CHODL: variants seen among roughly 807,000 people sequenced by gnomAD.
The protein encoded by CHODL is chondrolectin.
A neutral mutation model predicts 34.5 loss-of-function variants in CHODL; 29 were observed. The ratio of observed to expected loss-of-function variants is 0.84; its 90% CI spans 0.63 to 1.15. The LOEUF (loss-of-function observed/expected upper bound fraction) is 1.15, where lower values mean the gene tolerates loss of function less well. Ranked by LOEUF, CHODL falls within the 50% of genes most tolerant of loss-of-function variation. The pLI is 0.00. For synonymous variants in CHODL, 125 were observed against 116.1 expected, an observed-to-expected ratio of 1.08 and a Z score of -0.49; for missense variants, 332 against 332.5, an observed-to-expected ratio of 1.00 and a Z score of 0.01.
intron 1 of CHODL, among the ~76,000 whole-genome samples, chr21:17,973,645 C>T (rs1444371833): frequency 6.6e-6 from 1 of 151,580 alleles, no homozygotes; most frequent in African/African-American, 2.4e-5. Context: ...TGGTCTCGAT[C>T]TCCTGACCTC....
At chr21:18,202,026 C>T (rs1367392300) in intron 2 of CHODL, among the ~76,000 whole-genome samples, 1 of 151,862 alleles carries the variant, frequency 6.6e-6, no homozygotes, top group Non-Finnish European at 1.5e-5. Context: ...AGGATGATCT[C>T]AATCTCCTGA....
chr21:17,941,177 A>G (rs186704203), intron 1 of CHODL, among the ~76,000 whole-genome samples: 1 of 152,104 alleles, frequency 6.6e-6, no homozygotes, highest in Admixed American at 6.6e-5. Flanking sequence ...GGCCATGCCA[A>G]GGTTTTCAAA....
intron 1 of CHODL, among the ~76,000 whole-genome samples, chr21:17,957,943 C>A (rs1343137976): frequency 6.6e-6 from 1 of 151,178 alleles, no homozygotes; most frequent in Non-Finnish European, 1.5e-5. Flanking sequence ...TTGATTTAAA[C>A]TTTTTCTTCA....
intron 2 of CHODL, among the ~76,000 whole-genome samples, chr21:18,168,436 C>T (rs1395863183): frequency 9.9e-5 from 15 of 152,278 alleles, no homozygotes; most frequent in Non-Finnish European, 1.5e-5. Flanking sequence ...GTTGTCAACA[C>T]TAATGTCTGT....
intron 2 of CHODL, among the ~76,000 whole-genome samples, chr21:18,204,988 C>T (rs1367469519): frequency 1.3e-5 from 2 of 152,150 alleles, no homozygotes; most frequent in African/African-American, 4.8e-5. Context: ...GCTATAAGTC[C>T]ATTGAGAAAA....
Position 17,955,780 on chromosome 21 carries a change from C to T in CHODL, c.-145+38380C>T, listed in dbSNP as rs747680079. On this transcript the variant is annotated intron_variant, in intron 1 of 6. Coordinates refer to the CHODL transcript ENST00000400127. ...TATAAAAACCTGAAGTGCTGTGAAGCAAGTCAGGGGATTTGGGTTCCAGGG... is the reference window on the plus strand; with the variant it reads ...TATAAAAACCTGAAGTGCTGTGAAGTAAGTCAGGGGATTTGGGTTCCAGGG... 2.2e-5 allele frequency among the ~76,000 whole-genome samples: 3 copies of T among 136,762 alleles called. 1 individual carries two copies. The highest frequency in any genetic ancestry group is 7.2e-5 in the Admixed American group (1 of 13,940). The allele number at this position is 136,762 out of a possible 152,430, so 89.7% of individuals were successfully genotyped here. A position where few individuals can be genotyped will look rare whatever the true frequency, so the allele number is the denominator to read the frequency against.
At chr21:18,179,948 T>C (rs59108760) in intron 2 of CHODL, among the ~76,000 whole-genome samples, 13,978 of 152,182 alleles carry the variant, frequency 0.092, 725 homozygotes, top group East Asian at 0.21. Context: ...AGGGTAGATA[T>C]TAAGGGTATG....
Position 17,977,694 on chromosome 21 carries a change from G to A in CHODL, c.-144-50178G>A, listed in dbSNP as rs182010307. ...AAAAAGATAAATGGCTGAGGCAGGC[G>A]AATCCCGAGGTCAAGAGATCGAGAC... On this transcript the variant is annotated intron_variant, in intron 1 of 6. Coordinates refer to the CHODL transcript ENST00000400127. 9.7e-3 allele frequency among the ~76,000 whole-genome samples: 1,405 copies of A among 144,272 alleles called. 23 individuals are homozygous for A. Among genetic ancestry groups the A allele is most frequent in the African/African-American group, 0.028 (1,108 of 39,898 alleles). 94.6% of individuals were successfully genotyped at this position (144,272 alleles called of 152,430 possible).
intron 2 of CHODL, among the ~76,000 whole-genome samples, chr21:18,056,813 G>A (rs963507141): frequency 6.6e-6 from 1 of 152,012 alleles, no homozygotes; most frequent in African/African-American, 2.4e-5. Context: ...GAGATTAATG[G>A]TAGGTATTTT....
intron 1 of CHODL, among the ~76,000 whole-genome samples, chr21:17,966,463 C>G (rs529575579): frequency 1.3e-5 from 2 of 152,112 alleles, no homozygotes; most frequent in Admixed American, 1.3e-4. Flanking sequence ...TTTAAACAGG[C>G]TTTTCAATTG....
chr21:17,946,262 A>G (rs2063407762), intron 1 of CHODL, among the ~76,000 whole-genome samples: 1 of 152,108 alleles, frequency 6.6e-6, no homozygotes, highest in South Asian at 2.1e-4. Context: ...CTAAAAATAC[A>G]TAAAAAATTA....
At chr21:18,165,944 G>C (rs1359943891) in intron 2 of CHODL, among the ~76,000 whole-genome samples, 1 of 152,094 alleles carries the variant, frequency 6.6e-6, no homozygotes, top group African/African-American at 2.4e-5. Context: ...TATATTACAA[G>C]TTATTACAGA....
At chr21:18,163,233 A>C (rs989293407) in intron 2 of CHODL, among the ~76,000 whole-genome samples, 3 of 152,266 alleles carry the variant, frequency 2.0e-5, no homozygotes, top group African/African-American at 7.2e-5. Flanking sequence ...CTTTAATAGC[A>C]TTCCTAAATG....
intron 1 of CHODL, among the ~76,000 whole-genome samples, chr21:18,005,391 C>T (rs1450674449): frequency 6.6e-6 from 1 of 152,194 alleles, no homozygotes; most frequent in African/African-American, 2.4e-5. Context: ...AATAAAGAGA[C>T]TTTAAATTAC....
At chr21:18,043,982 G>C (rs1024378105) in intron 2 of CHODL, among the ~76,000 whole-genome samples, 1 of 151,752 alleles carries the variant, frequency 6.6e-6, no homozygotes, top group African/African-American at 2.4e-5. Context: ...CCATGATTCA[G>C]TTATCTCCCC....
chr21:18,151,445 C>T (rs1319435390), intron 2 of CHODL, among the ~76,000 whole-genome samples: 3 of 152,206 alleles, frequency 2.0e-5, no homozygotes, highest in Non-Finnish European at 4.4e-5. Flanking sequence ...CTCTCCACCC[C>T]TTCCTCCATA....
chr21:18,247,919 A>T (rs971030745), intron 1 of CHODL, among the ~76,000 whole-genome samples: 2 of 151,978 alleles, frequency 1.3e-5, no homozygotes, highest in African/African-American at 4.8e-5. Flanking sequence ...AATATGAAGG[A>T]TTCCAAATTC....
chr21:17,918,712 A>G (rs2063160595), intron 1 of CHODL, among the ~76,000 whole-genome samples: 1 of 152,144 alleles, frequency 6.6e-6, no homozygotes, highest in Non-Finnish European at 1.5e-5. Context: ...TGCCTTCCCA[A>G]CAGTCCCCCA....
intron 2 of CHODL, among the ~76,000 whole-genome samples, chr21:18,144,857 TAAAG>T (rs1348588967): frequency 4.0e-5 from 6 of 150,814 alleles, no homozygotes; most frequent in African/African-American, 9.7e-5. Context: ...TGAAAAGCCT[TAAAG>T]AAAGCAGGTT....
Sources: gnomAD v4.1 joint callset for allele counts (sites outside exome capture counted in the v4.1 genomes callset) on GRCh38, gnomAD v4.1.1 for gene constraint, MANE v1.5 for transcripts, NCBI Gene and HGNC (gene_info 2026-07-23, HGNC 2026-07-21) for gene names.